Variants in DPYD observed in about 807,000 individuals in gnomAD.
The protein encoded by DPYD is dihydropyrimidine dehydrogenase, also known as dihydropyrimidine dehydrogenase [NADP(+)].
DPYD carries 109 observed loss-of-function variants against 116.2 expected under a neutral mutation model. The observed-to-expected ratio is 0.94, with a 90% CI of 0.80 to 1.10. The LOEUF (loss-of-function observed/expected upper bound fraction) is 1.10, where lower values mean the gene tolerates loss of function less well. Ranked by LOEUF, DPYD falls within the 50% of genes least tolerant of loss-of-function variation. DPYD has a pLI of 0.00. For synonymous variants in DPYD, 440 were observed against 432.0 expected, an observed-to-expected ratio of 1.02 and a Z score of -0.23; for missense variants, 1,302 against 1,254.5, an observed-to-expected ratio of 1.04 and a Z score of -0.57.
intron 11 of DPYD, among the ~76,000 whole-genome samples, chr1:97,564,995 C>G (rs1322866008): frequency 6.6e-6 from 1 of 152,000 alleles, no homozygotes; most frequent in Admixed American, 6.6e-5. Context: ...AAAATAGAAT[C>G]CAAATTAGTG....
rs189640167 is a variant in DPYD, at chr1:97,616,712, T to C, written c.851-21546A>G. Among the ~76,000 whole-genome samples the C allele has an allele frequency of 8.7e-4, 132 of 152,204 alleles. 1 individual carries two copies. The highest frequency in any genetic ancestry group is 6.8e-3 in the Middle Eastern group (2 of 294). On this transcript the variant is annotated intron_variant, in intron 8 of 22. Coordinates refer to ENST00000370192, the MANE Select transcript of DPYD (RefSeq NM_000110.4). ...CCTAGTTCATACAAAAAAGAAGAAA[T>C]ATATATCCTAGGTGAATGACTTGTA...
chr1:97,291,309 C>T (rs1212720215), intron 18 of DPYD, among the ~76,000 whole-genome samples: 1 of 151,986 alleles, frequency 6.6e-6, no homozygotes, highest in African/African-American at 2.4e-5. Flanking sequence ...ACTAGAAATA[C>T]CATTTGACCC....
At chr1:97,229,724 G>A (rs1396778038) in intron 19 of DPYD, among the ~76,000 whole-genome samples, 2 of 151,566 alleles carry the variant, frequency 1.3e-5, no homozygotes, top group African/African-American at 4.8e-5. Context: ...CCAGCTCTCT[G>A]GGCAATAAAT....
intron 19 of DPYD, among the ~76,000 whole-genome samples, chr1:97,194,899 T>G (rs1405250889): frequency 2.6e-5 from 4 of 152,152 alleles, no homozygotes; most frequent in African/African-American, 9.7e-5. Flanking sequence ...TAAGGAAGTT[T>G]GAATCAGAGA....
chr1:97,514,697 AT>A (rs879584298), intron 13 of DPYD, among the ~76,000 whole-genome samples: 54 of 151,736 alleles, frequency 3.6e-4, no homozygotes, highest in Admixed American at 3.3e-3. Flanking sequence ...TTTACGAAGG[AT>A]TTTTTTCCTG....
chr1:97,820,522 T>G (rs1400190822), intron 3 of DPYD, among the ~76,000 whole-genome samples: 1 of 152,202 alleles, frequency 6.6e-6, no homozygotes, highest in Admixed American at 6.5e-5. Context: ...ACTTTCCAAG[T>G]TTACATGGCT....
At chr1:97,406,219 C>T (rs1242429607) in intron 14 of DPYD, among the ~76,000 whole-genome samples, 1 of 151,420 alleles carries the variant, frequency 6.6e-6, no homozygotes, top group Non-Finnish European at 1.5e-5. Flanking sequence ...CAGTTTTGCC[C>T]TAAGTCCTCC....
chr1:97,629,277 T>C (rs7550523), intron 8 of DPYD, among the ~76,000 whole-genome samples: 3,940 of 151,954 alleles, frequency 0.026, 170 homozygotes, highest in African/African-American at 0.09. Flanking sequence ...AGAAATCAAG[T>C]GGAAGTATTT....
chr1:97,700,433 C>T (rs1661533801), intron 5 of DPYD: 1 of 367,324 alleles, frequency 2.7e-6, no homozygotes, highest in Non-Finnish European at 5.2e-6. Context: ...AAGAAAGAGC[C>T]CTAGTACACA....
intron 13 of DPYD, among the ~76,000 whole-genome samples, chr1:97,503,335 T>A (rs150953738): frequency 1.2e-3 from 177 of 152,110 alleles, no homozygotes; most frequent in African/African-American, 3.8e-3. Context: ...AAGATCCAAA[T>A]ATCTTTGTGG....
chr1:97,455,279 A>G (rs1006279052), intron 13 of DPYD, among the ~76,000 whole-genome samples: 1 of 151,960 alleles, frequency 6.6e-6, no homozygotes, highest in African/African-American at 2.4e-5. Flanking sequence ...TATAGTGTAT[A>G]TCGCTATGAG....
intron 10 of DPYD, among the ~76,000 whole-genome samples, chr1:97,590,550 T>G (rs1221313814): frequency 6.6e-6 from 1 of 152,210 alleles, no homozygotes; most frequent in Non-Finnish European, 1.5e-5. Flanking sequence ...ATATAAAAAT[T>G]TGGTTAATTG....
At chr1:97,375,077 A>G (rs1671537003) in intron 15 of DPYD, among the ~76,000 whole-genome samples, 1 of 151,654 alleles carries the variant, frequency 6.6e-6, no homozygotes, top group Non-Finnish European at 1.5e-5. Flanking sequence ...GAGATGGAGG[A>G]ATAAACTAGC....
chr1:97,373,670 G>C lies in DPYD; in HGVS notation c.1975-26C>G. The C allele has an allele frequency of 1.9e-6, 3 of 1,601,732 alleles. 1 individual carries two copies. In the South Asian group the frequency reaches 3.3e-5, roughly 18 times the overall value. On this transcript the variant is annotated intron_variant, in intron 15 of 22. Coordinates refer to ENST00000370192, the MANE Select transcript of DPYD (RefSeq NM_000110.4). Reference sequence around the variant, plus strand: ...CTTTAAACAAGAAAGGAAAATGAAAGAAAAGGCAAAGCTTTATTTATATAC... The same window carrying C: ...CTTTAAACAAGAAAGGAAAATGAAACAAAAGGCAAAGCTTTATTTATATAC...
At chr1:97,158,104 A>G (rs1655616359) in intron 20 of DPYD, among the ~76,000 whole-genome samples, 1 of 152,052 alleles carries the variant, frequency 6.6e-6, no homozygotes, top group South Asian at 2.1e-4. Flanking sequence ...TATTGCACCA[A>G]TTATACCCTT....
chr1:97,655,249 C>T (rs142997877), intron 8 of DPYD, among the ~76,000 whole-genome samples: 1 of 152,126 alleles, frequency 6.6e-6, no homozygotes, highest in Non-Finnish European at 1.5e-5. Context: ...TGAAAATGAA[C>T]AAAATCCTCT....
chr1:97,562,276 A>G (rs933770088), intron 11 of DPYD, among the ~76,000 whole-genome samples: 4 of 152,202 alleles, frequency 2.6e-5, no homozygotes, highest in African/African-American at 9.7e-5. Flanking sequence ...CTGGTGATGT[A>G]AAGTTCATTT....
intron 13 of DPYD, among the ~76,000 whole-genome samples, chr1:97,493,615 G>T (rs1308117015): frequency 6.6e-6 from 1 of 151,570 alleles, no homozygotes; most frequent in Admixed American, 6.6e-5. Flanking sequence ...TTACTGGAGG[G>T]AAGACTAGGG....
At position 97,573,867 on chromosome 1, in the gene DPYD, G is replaced by C. The variant is rs2102183581; in HGVS notation, c.1232C>G (p.Thr411Arg). 6.2e-7 allele frequency: 1 copy of C among 1,613,584 alleles called. No individual in the cohort carries two copies. The highest frequency in any genetic ancestry group is 2.2e-5 in the East Asian group (1 of 44,848). Residue 411 changes from threonine to arginine, a missense_variant, in exon 11 of 23, where the codon ACA (threonine) becomes AGA (arginine). Transcript: ENST00000370192. The stretch of plus-strand genomic sequence containing the variant: ...CCATTTTCCAGTTTCATCTTGCTCT[G>C]TCCGAACAAACTGCATAGCAACAAT... ...GRIVAMQFVR[T>R]EQDETGKWNE...
Sources: gnomAD v4.1 joint callset for allele counts (sites outside exome capture counted in the v4.1 genomes callset) on GRCh38, gnomAD v4.1.1 for gene constraint, MANE v1.5 for transcripts, NCBI Gene and HGNC (gene_info 2026-07-23, HGNC 2026-07-21) for gene names.